The following DNAH1 variants were observed in gnomAD, a reference collection of about 807,000 sequenced individuals.
DNAH1 encodes axonemal beta dynein heavy chain 1.
A neutral mutation model predicts 484.3 loss-of-function variants in DNAH1; 327 were observed. The ratio of observed to expected loss-of-function variants is 0.68; its 90% confidence interval spans 0.62 to 0.74. The LOEUF is 0.74. Among genes scored for constraint, DNAH1 ranks in the 30% least tolerant of loss-of-function variants. DNAH1 has a pLI of 0.00. For missense variants in DNAH1, 5,052 were observed against 5,546.8 expected, an observed-to-expected ratio of 0.91 and a Z score of 2.83; for synonymous variants, 2,192 against 2,191.9, an observed-to-expected ratio of 1.00 and a Z score of 0.00.
At position 52,354,872 on chromosome 3, in the gene DNAH1, G is replaced by A. The variant is rs1179351897; in HGVS notation, c.3510G>A (p.Ser1170=). 1.2e-5 allele frequency: 19 copies of A among 1,613,684 alleles called. No homozygotes were observed. In the Admixed American group the frequency reaches 1.8e-4, roughly 16 times the overall value. ...QALDKMEKEW[S]TILFNVLPYK... ...TGGACAAGATGGAGAAGGAGTGGTC[G>A]ACCATCCTGTTCAATGTACTGCCCT... The change falls in exon 21 of 78, where the codon TCG becomes TCA. Residue 1170 remains serine (S), a synonymous_variant. Transcript: ENST00000420323.
rs1281941327 is a variant in DNAH1, at chr3:52,392,927, G to C, written c.10376G>C (p.Cys3459Ser). 1.9e-6 allele frequency: 3 copies of C among 1,613,108 alleles called. No homozygotes were observed. The highest frequency in any genetic ancestry group is 2.7e-5 in the African/African-American group (2 of 74,612). The change falls in exon 65 of 78, where the codon TGT becomes TCT. Residue 3459 changes from cysteine to serine, a missense_variant. Physicochemically the swap from Cys to Ser is moderately radical, Grantham distance 112. Transcript: ENST00000420323. ...ATCCGCACCCAGATCCTCTTCTTCT[G>C]TGTGTCCGACCTGGCCAACGTGGAC... Reference protein sequence around the residue: ...VAIRTQILFFCVSDLANVDPM... With the variant: ...VAIRTQILFFSVSDLANVDPM...
intron 9 of DNAH1, 93 bp from the exon 10 acceptor site, chr3:52,345,402 C>G: frequency 9.4e-7 from 1 of 1,061,774 alleles, no homozygotes; most frequent in East Asian, 2.6e-5. Context: ...AGGCAGGAGT[C>G]ATGGCCCTCC....
intron 44 of DNAH1, chr3:52,374,574 C>T (rs1703500879): frequency 1.3e-6 from 2 of 1,504,184 alleles, no homozygotes; most frequent in East Asian, 2.3e-5. Context: ...CTCCAGCCCA[C>T]ACTTCCAGGT....
intron 4 of DNAH1, 94 bp from the exon 5 acceptor site, chr3:52,326,641 C>G: frequency 6.8e-7 from 1 of 1,460,282 alleles, no homozygotes; most frequent in East Asian, 2.3e-5. Flanking sequence ...GGCCACACCC[C>G]TGTCCCCACA....
intron 67 of DNAH1, 69 bp from the exon 68 acceptor site, chr3:52,394,846 C>G (rs1012800094): frequency 6.3e-7 from 1 of 1,576,700 alleles, no homozygotes; most frequent in Non-Finnish European, 8.6e-7. Flanking sequence ...TCCGGCTGGC[C>G]GAATCCCTGG....
chr3:52,394,413 C>T, intron 66 of DNAH1, 52 bp from the exon 67 acceptor site: 3 of 1,586,214 alleles, frequency 1.9e-6, no homozygotes, highest in Non-Finnish European at 2.6e-6. Context: ...GTGCCCAGAG[C>T]AGGAGGAGCT....
intron 76 of DNAH1, 71 bp from the exon 77 acceptor site, chr3:52,399,474 G>GA (rs1704805447): frequency 1.5e-6 from 2 of 1,343,720 alleles, no homozygotes; most frequent in South Asian, 2.7e-5. Context: ...TCTCAGAAGG[G>GA]AGTTTTGTGC....
intron 8 of DNAH1, among the ~76,000 whole-genome samples, chr3:52,338,111 T>TAA (rs1701799730): frequency 2.0e-5 from 3 of 152,144 alleles, no homozygotes; most frequent in Admixed American, 2.0e-4. Context: ...ATTAATTAAT[T>TAA]TATTTATTTA....
chr3:52,356,077 C>T (rs772558934), intron 21 of DNAH1, among the ~76,000 whole-genome samples: 4 of 152,162 alleles, frequency 2.6e-5, no homozygotes, highest in African/African-American at 7.2e-5. Flanking sequence ...CGTGAGTTTG[C>T]GCTGATGGGA....
At position 52,326,213 on chromosome 3, in the gene DNAH1, G is replaced by A; in HGVS notation, c.480G>A (p.Leu160=). ...AGTGCATCGGGTCCACCACCCGGCT[G>A]CTCGCCCAGACTGACTTCCCACTGC... ...EQQCIGSTTR[L]LAQTDFPLQA... is the part of the protein sequence containing the mutation. The change falls in exon 4 of 78, where the codon CTG becomes CTA. Residue 160 remains leucine (L), a synonymous_variant. Coordinates refer to ENST00000420323, the MANE Select transcript of DNAH1 (RefSeq NM_015512.5). The A allele has an allele frequency of 1.2e-6, 2 of 1,613,084 alleles. No individual in the cohort carries two copies. Among genetic ancestry groups the A allele is most frequent in the South Asian group, 2.2e-5 (2 of 90,874 alleles).
In DNAH1 at chr3:52,349,015, A is replaced by G. The variant is rs769851333; in HGVS notation, c.2234A>G (p.Gln745Arg). 1.8e-5 allele frequency: 29 copies of G among 1,613,136 alleles called. No homozygotes were observed. Among genetic ancestry groups the G allele is most frequent in the Non-Finnish European group, 2.3e-5 (27 of 1,179,918 alleles). The change falls in exon 13 of 78, where the codon CAG (glutamine) becomes CGG (arginine). Residue 745 changes from glutamine to arginine, a missense_variant. By Grantham distance (43) the Gln-to-Arg change is conservative (BLOSUM62 1). Transcript: ENST00000420323. Reference sequence around the variant, plus strand: ...GTGTCCAAGGCCATGATCCCACTGCAGGCCTACGCCAAGGAGTACCGAAAG... The same window carrying G: ...GTGTCCAAGGCCATGATCCCACTGCGGGCCTACGCCAAGGAGTACCGAAAG... Reference protein sequence around the residue: ...SAVSKAMIPLQAYAKEYRKYL... With the variant: ...SAVSKAMIPLRAYAKEYRKYL...
In DNAH1 at chr3:52,378,697, G is replaced by C. The variant is rs546597830; in HGVS notation, c.7294G>C (p.Ala2432Pro). ...TITSQLLPTPAKSHYTFNLRD... is the reference protein window; with the variant it reads ...TITSQLLPTPPKSHYTFNLRD... ...CACCTCCCAGCTGCTGCCCACTCCA[G>C]CCAAGTCCCACTACACCTTCAACCT... The change falls in exon 47 of 78, where the codon GCC becomes CCC. Residue 2432 changes from alanine (A) to proline (P), a missense_variant. Physicochemically the swap from Ala to Pro is conservative, Grantham distance 27. Coordinates refer to ENST00000420323, the MANE Select transcript of DNAH1 (RefSeq NM_015512.5). The C allele has an allele frequency of 1.9e-5, 31 of 1,613,810 alleles. No homozygotes were observed. The Admixed American group carries it at 4.3e-4, about 23-fold the overall frequency.
rs758895180 is a variant in DNAH1, at chr3:52,395,413, G to A, written c.11074G>A (p.Glu3692Lys). The A allele has an allele frequency of 4.9e-5, 79 of 1,613,856 alleles. No homozygotes were observed. In the South Asian group the frequency reaches 5.4e-4, roughly 11 times the overall value. The change falls in exon 69 of 78, where the codon GAA (glutamate) becomes AAA (lysine). Residue 3692 changes from glutamate (E) to lysine (K), a missense_variant. Coordinates refer to ENST00000420323, the MANE Select transcript of DNAH1 (RefSeq NM_015512.5). The surrounding 1 kb of genome is among the most constrained non-coding windows in gnomAD (Gnocchi z 4.4). ...DPAADLYKFAEEMKFSKKLSA... is the reference protein window; with the variant it reads ...DPAADLYKFAKEMKFSKKLSA... ...TGCTGCCGACCTCTACAAGTTTGCC[G>A]AAGAAATGAAGTTCTCCAAAAAGCT...
Position 52,353,650 on chromosome 3 carries a change from G to C in DNAH1, c.3480+17G>C, listed in dbSNP as rs535160318. 2.6e-6 allele frequency: 4 copies of C among 1,563,476 alleles called. No individual in the cohort carries two copies. The highest frequency in any genetic ancestry group is 1.4e-5 in the African/African-American group (1 of 73,524). ...ATCGAGCAGGTGGGTAGCCACCAGC[G>C]GGCCCAGCCACTCCAGCCAGGCCCT... On this transcript the variant is annotated intron_variant, in intron 20 of 77. Coordinates refer to ENST00000420323, the MANE Select transcript of DNAH1 (RefSeq NM_015512.5). The surrounding 1 kb of genome is among the most constrained non-coding windows in gnomAD (Gnocchi z 5.0).
Position 52,361,376 on chromosome 3 carries a change from A to C in DNAH1, c.4874+24A>C. ...AGGTGAGGCTGGGCATGAGCGTGGC[A>C]CAGGATGGGGTGGGACAGCCTAGCT... is the stretch of plus-strand genomic sequence containing the variant. On this transcript the variant is annotated intron_variant, in intron 29 of 77. Coordinates refer to ENST00000420323, the MANE Select transcript of DNAH1 (RefSeq NM_015512.5). This position sits in a 1 kb window ranked among gnomAD's most constrained non-coding sequence, Gnocchi z 5.6. The C allele has an allele frequency of 1.9e-6, 3 of 1,544,932 alleles. No homozygotes were observed. Among genetic ancestry groups the C allele is most frequent in the Non-Finnish European group, 2.6e-6 (3 of 1,142,358 alleles).
intron 8 of DNAH1, among the ~76,000 whole-genome samples, chr3:52,341,723 G>A (rs551629543): frequency 1.5e-4 from 23 of 152,144 alleles, no homozygotes; most frequent in African/African-American, 5.3e-4. Flanking sequence ...GACTGGCTTG[G>A]ACTAGCTGAG....
chr3:52,385,637 T>C (rs1158849261), intron 54 of DNAH1, among the ~76,000 whole-genome samples, 190 bp downstream of exon 54: 1 of 152,246 alleles, frequency 6.6e-6, no homozygotes, highest in South Asian at 2.1e-4. Flanking sequence ...TGCCAGGCAC[T>C]GCACTGGGCA....
At position 52,326,753 on chromosome 3, in the gene DNAH1, G is replaced by A; in HGVS notation, c.600G>A (p.Leu200=). The A allele has an allele frequency of 6.2e-7, 1 of 1,613,510 alleles. No homozygotes were observed. Among genetic ancestry groups the A allele is most frequent in the African/African-American group, 1.3e-5 (1 of 75,012 alleles). Residue 200 remains leucine (L), a synonymous_variant, in exon 5 of 78, where the codon CTG becomes CTA. Transcript: ENST00000420323. Reference sequence around the variant, plus strand: ...TGACCAGGAGGAAACAGCAGTACCTGAGCCTGGACATTGAGCAGTTGCTGT... The same window carrying A: ...TGACCAGGAGGAAACAGCAGTACCTAAGCCTGGACATTGAGCAGTTGCTGT... ...IEIERRKQQY[L]SLDIEQLLFS...
rs2153224627 is a variant in DNAH1 at position 52,368,792 on chromosome 3, CA to C, written c.5818del (p.Thr1940ProfsTer20). 6.2e-7 allele frequency: 1 copy of C among 1,614,028 alleles called. No individual in the cohort carries two copies. Among genetic ancestry groups the C allele is most frequent in the Admixed American group, 1.7e-5 (1 of 60,032 alleles). ...TCCGGGCGGGGGCCATCACCTCCGA[CA>C]CCAACAAGAAGTGGTACATGTTCGA... ...FIRAGAITSD[T>X]NKKWYMFDGP... On this transcript the variant is annotated frameshift_variant, in exon 37 of 78. Coordinates refer to ENST00000420323, the MANE Select transcript of DNAH1 (RefSeq NM_015512.5). LOFTEE classifies it high-confidence loss of function. This position sits in a 1 kb window ranked among gnomAD's most constrained non-coding sequence, Gnocchi z 4.4.
Sources: gnomAD v4.1 joint callset for allele counts (sites outside exome capture counted in the v4.1 genomes callset) on GRCh38, gnomAD v4.1.1 for gene constraint, Gnocchi (gnomAD v3.1) non-coding constraint, MANE v1.5 for transcripts, NCBI Gene and HGNC (gene_info 2026-07-23, HGNC 2026-07-21) for gene names.